The following USH1C variants were observed in gnomAD, a reference collection of about 807,000 sequenced individuals.
USH1C encodes the protein USH1 protein network component harmonin.
USH1C carries 90 observed loss-of-function variants against 119.3 expected under a neutral mutation model. That is an observed-to-expected ratio of 0.75 (90% CI 0.64 to 0.90). USH1C has a LOEUF of 0.90. Among genes scored for constraint, USH1C ranks in the 40% least tolerant of loss-of-function variants. The pLI is 0.00. For missense variants in USH1C, 1,165 were observed against 1,167.7 expected, an observed-to-expected ratio of 1.00 and a Z score of 0.03; for synonymous variants, 465 against 443.3, an observed-to-expected ratio of 1.05 and a Z score of -0.62.
intron 16 of USH1C, among the ~76,000 whole-genome samples, chr11:17,511,622 C>G (rs1849895093): frequency 6.6e-6 from 1 of 152,092 alleles, no homozygotes; most frequent in Non-Finnish European, 1.5e-5. Context: ...CAGACTCACA[C>G]CCCCCGACCA....
intron 14 of USH1C, among the ~76,000 whole-genome samples, chr11:17,519,533 T>C (rs960423978): frequency 7.9e-5 from 12 of 152,210 alleles, no homozygotes; most frequent in Admixed American, 2.6e-4. Context: ...AGGTACCAAA[T>C]TGACTAGGAT....
intron 1 of USH1C, among the ~76,000 whole-genome samples, chr11:17,541,786 T>C (rs1319996602): frequency 6.6e-6 from 1 of 152,214 alleles, no homozygotes; most frequent in African/African-American, 2.4e-5. Flanking sequence ...ACTCTGCAGG[T>C]ATCAGCTGGA....
chr11:17,539,051 G>A (rs1032401672), intron 1 of USH1C, among the ~76,000 whole-genome samples: 41 of 152,118 alleles, frequency 2.7e-4, no homozygotes, highest in Admixed American at 2.4e-3. Flanking sequence ...CCTGCTCCCT[G>A]CTGCCACCCT....
intron 25 of USH1C, among the ~76,000 whole-genome samples, chr11:17,496,102 G>C (rs1849239677): frequency 6.6e-6 from 1 of 152,032 alleles, no homozygotes; most frequent in South Asian, 2.1e-4. Flanking sequence ...GAAAGAATAG[G>C]AGACAGTGAG....
At position 17,509,821 on chromosome 11, in the gene USH1C, C is replaced by CG. The variant is rs1849807149; in HGVS notation, c.1547dup (p.Pro517AlafsTer26). 6.4e-7 allele frequency: 1 copy of CG among 1,565,840 alleles called. No homozygotes were observed. Among genetic ancestry groups the CG allele is most frequent in the Non-Finnish European group, 8.6e-7 (1 of 1,159,616 alleles). ...GGGGAGACACAGAAGGCGGGGGAGG[C>CG]GGGGGCCCTGTGGTCATCTGGGGGT... is the stretch of plus-strand genomic sequence containing the variant. On this transcript the variant is annotated frameshift_variant, in exon 18 of 27. Coordinates refer to ENST00000005226, the MANE Select transcript of USH1C (RefSeq NM_153676.4). LOFTEE classifies it high-confidence loss of function.
chr11:17,536,668 C>T (rs1851242949), intron 1 of USH1C, among the ~76,000 whole-genome samples: 1 of 152,202 alleles, frequency 6.6e-6, no homozygotes, highest in Non-Finnish European at 1.5e-5. Context: ...TTAGGTCACT[C>T]AAACCCTGTC....
intron 20 of USH1C, 100 bp from the exon 21 acceptor site, chr11:17,502,080 G>A: frequency 7.6e-7 from 1 of 1,310,638 alleles, no homozygotes; most frequent in Non-Finnish European, 1.1e-6. Flanking sequence ...AGGGTCAGAA[G>A]TGAGGGGTAG....
rs575519183 is a variant in USH1C, at chr11:17,530,079, C to T, written c.387+1075G>A. ...CGTGAGACAGGGATTTAGAACAAAG[C>T]GGTGTCTGTCAGCTCCCTGTTTCCA... On this transcript the variant is annotated intron_variant, in intron 4 of 26. Coordinates refer to ENST00000005226, the MANE Select transcript of USH1C (RefSeq NM_153676.4). 5.9e-5 allele frequency among the ~76,000 whole-genome samples: 9 copies of T among 152,322 alleles called. No individual in the cohort carries two copies. In the South Asian group the frequency reaches 1.0e-3, roughly 18 times the overall value.
intron 23 of USH1C, among the ~76,000 whole-genome samples, chr11:17,500,160 T>C (rs1433340692): frequency 6.6e-6 from 1 of 152,138 alleles, no homozygotes; most frequent in African/African-American, 2.4e-5. Context: ...GGTGTTTTTG[T>C]AGATAAGGGG....
At chr11:17,510,344 C>G in intron 17 of USH1C, 61 bp downstream of exon 17, 1 of 1,393,066 alleles carries the variant, frequency 7.2e-7, no homozygotes, top group Non-Finnish European at 1.0e-6. Context: ...TCCCGCTGTC[C>G]CCACAGTGGG....
intron 1 of USH1C, among the ~76,000 whole-genome samples, chr11:17,534,306 T>C (rs1264462676): frequency 6.6e-6 from 1 of 152,166 alleles, no homozygotes; most frequent in Non-Finnish European, 1.5e-5. Context: ...ATCCCAAGGG[T>C]TCTGGAAGAC....
At chr11:17,499,815 C>T (rs1221458752) in intron 23 of USH1C, among the ~76,000 whole-genome samples, 4 of 152,218 alleles carry the variant, frequency 2.6e-5, no homozygotes, top group Non-Finnish European at 4.4e-5. Context: ...CCCCAAGGGC[C>T]TTTCCCATCC....
chr11:17,523,058 C>G (rs922076818), intron 11 of USH1C, 132 bp from the exon 12 acceptor site: 1 of 1,578,538 alleles, frequency 6.3e-7, no homozygotes, highest in African/African-American at 1.3e-5. Context: ...ATCCCTGACC[C>G]AAACTTCTTG....
intron 23 of USH1C, among the ~76,000 whole-genome samples, chr11:17,500,825 C>A (rs1369628881): frequency 1.3e-5 from 2 of 152,202 alleles, no homozygotes; most frequent in Non-Finnish European, 2.9e-5. Context: ...TGGCTGGGGA[C>A]CCCCTGAGGG....
intron 21 of USH1C, 105 bp from the exon 22 acceptor site, chr11:17,501,640 A>G: frequency 7.5e-7 from 1 of 1,337,230 alleles, no homozygotes; most frequent in Middle Eastern, 1.8e-4. Flanking sequence ...TGGGCCCCAC[A>G]GAGCACATGG....
rs1461214620 is a variant in USH1C at position 17,494,357 on chromosome 11, T to C, written c.2675A>G (p.Lys892Arg). ...LEPTDLLLKS[K>R]RGNQIHR ...CTAACGGTGAATTTGGTTTCCCCTT[T>C]TGGACTTCAGAAGAAGGTCCTGCAG... Residue 892 changes from lysine (K) to arginine (R), a missense_variant, in exon 27 of 27, where the codon AAA becomes AGA. Lys to Arg is a conservative substitution (Grantham distance 26, BLOSUM62 2). Transcript: ENST00000005226. The C allele has an allele frequency of 1.2e-6, 2 of 1,605,366 alleles. No homozygotes were observed. Among genetic ancestry groups the C allele is most frequent in the East Asian group, 4.5e-5 (2 of 44,674 alleles).
chr11:17,494,404 G>A, intron 26 of USH1C, 28 bp from the exon 27 acceptor site: 1 of 1,583,224 alleles, frequency 6.3e-7, no homozygotes, highest in Non-Finnish European at 8.6e-7. Context: ...CAGCCCAGGT[G>A]GATACAGGCT....
At chr11:17,524,667 G>T in intron 8 of USH1C, 132 bp from the exon 9 acceptor site, 1 of 1,019,658 alleles carries the variant, frequency 9.8e-7, no homozygotes, top group Non-Finnish European at 1.5e-6. Context: ...TCCCTCTCCA[G>T]CCTGATTTCT....
chr11:17,512,086 AG>A (rs753232083), intron 15 of USH1C, 32 bp from the exon 16 acceptor site: 24 of 1,612,930 alleles, frequency 1.5e-5, no homozygotes, highest in Non-Finnish European at 2.0e-5. Flanking sequence ...TATATGACAA[AG>A]GTTAGAAATA....
Sources: gnomAD v4.1 joint callset for allele counts (sites outside exome capture counted in the v4.1 genomes callset) on GRCh38, gnomAD v4.1.1 for gene constraint, MANE v1.5 for transcripts, NCBI Gene and HGNC (gene_info 2026-07-23, HGNC 2026-07-21) for gene names.